Variants in LRP1B observed in about 807,000 individuals in gnomAD.
The protein encoded by LRP1B is low-density lipoprotein receptor-related protein 1B.
LRP1B carries 217 observed loss-of-function variants against 556.6 expected under a neutral mutation model. That is an observed-to-expected ratio of 0.39 (90% CI 0.35 to 0.44). The LOEUF is 0.44. LRP1B is among the 20% of genes least tolerant of loss of function. LRP1B has a pLI of 1.00. For missense variants in LRP1B, 5,053 were observed against 5,620.8 expected (o/e 0.90, Z 3.23); for synonymous variants, 2,047 against 1,865.8 (o/e 1.10, Z -2.50).
At chr2:141,133,262 G>A (rs1005701002) in intron 7 of LRP1B, among the ~76,000 whole-genome samples, 2 of 146,302 alleles carry the variant, frequency 1.4e-5, no homozygotes, top group Non-Finnish European at 3.0e-5. Flanking sequence ...AATGATAGTA[G>A]CAATTATCAT....
At chr2:141,906,660 G>C (rs1429728444) in intron 1 of LRP1B, among the ~76,000 whole-genome samples, 1 of 151,952 alleles carries the variant, frequency 6.6e-6, no homozygotes, top group African/African-American at 2.4e-5. Flanking sequence ...CACATAAACA[G>C]CAAAGCATTA....
chr2:141,477,277 G>A (rs368965611), intron 3 of LRP1B, among the ~76,000 whole-genome samples: 1 of 139,716 alleles, frequency 7.2e-6, no homozygotes. Context: ...AAAAATAACC[G>A]AGTTAGACAG....
intron 1 of LRP1B, among the ~76,000 whole-genome samples, chr2:141,949,742 TTC>T (rs978659551): frequency 1.3e-5 from 2 of 152,162 alleles, no homozygotes; most frequent in Non-Finnish European, 2.9e-5. Flanking sequence ...GAAAATCTAA[TTC>T]TGTCAGGTTT....
chr2:141,085,532 G>C (rs557937310), intron 7 of LRP1B, among the ~76,000 whole-genome samples: 1 of 152,276 alleles, frequency 6.6e-6, no homozygotes, highest in East Asian at 1.9e-4. Context: ...GACATGGCGA[G>C]AAGGTGATCA....
intron 2 of LRP1B, among the ~76,000 whole-genome samples, chr2:141,685,530 T>C (rs1691263464): frequency 6.6e-6 from 1 of 152,060 alleles, no homozygotes; most frequent in Admixed American, 6.6e-5. Flanking sequence ...CCTGTGAATG[T>C]TACCTTAATG....
intron 1 of LRP1B, among the ~76,000 whole-genome samples, chr2:142,079,698 C>T (rs1001011786): frequency 7.2e-5 from 11 of 151,818 alleles, no homozygotes; most frequent in East Asian, 1.9e-4. Flanking sequence ...TTAGAAGAGA[C>T]GTGGTTTCAC....
At chr2:140,779,371 AG>A (rs1689608653) in intron 32 of LRP1B, among the ~76,000 whole-genome samples, 1 of 152,136 alleles carries the variant, frequency 6.6e-6, no homozygotes, top group Admixed American at 6.5e-5. Flanking sequence ...ATTACAATCT[AG>A]GTAGAACTCT....
chr2:140,768,759 G>A (rs952933189), intron 35 of LRP1B, among the ~76,000 whole-genome samples: 1 of 151,776 alleles, frequency 6.6e-6, no homozygotes, highest in African/African-American at 2.4e-5. Flanking sequence ...ATTTTCAGTG[G>A]TGTAGCATGT....
intron 20 of LRP1B, among the ~76,000 whole-genome samples, chr2:140,924,249 A>G (rs963430068): frequency 9.9e-5 from 15 of 151,982 alleles, no homozygotes; most frequent in African/African-American, 3.4e-4. Context: ...AATAACAGTG[A>G]TATCACCAAA....
At chr2:141,808,606 C>T (rs1166725512) in intron 2 of LRP1B, among the ~76,000 whole-genome samples, 1 of 152,064 alleles carries the variant, frequency 6.6e-6, no homozygotes, top group Non-Finnish European at 1.5e-5. Context: ...TGACATAATT[C>T]ACCCATTTAA....
chr2:141,425,946 T>G (rs560905710), intron 3 of LRP1B, among the ~76,000 whole-genome samples: 6 of 150,154 alleles, frequency 4.0e-5, no homozygotes, highest in Admixed American at 1.3e-4. Context: ...TTGTCAATTT[T>G]GGCTTTTGTT....
chr2:140,828,940 T>C (rs1486546053), intron 31 of LRP1B, among the ~76,000 whole-genome samples: 2 of 151,720 alleles, frequency 1.3e-5, no homozygotes, highest in South Asian at 4.2e-4. Context: ...TGGAAGAAGA[T>C]AGCCCATGTA....
rs532937152 is a variant in LRP1B, at chr2:141,242,310, A to T, written c.592+4916T>A. On this transcript the variant is annotated intron_variant, in intron 5 of 90. Coordinates refer to ENST00000389484, the MANE Select transcript of LRP1B (RefSeq NM_018557.3). ...CCTCCCAAAAGAAAATTTTAAACTTATGTTAGTAGATGTTAAATCCCCCTA... is the reference window on the plus strand; with the variant it reads ...CCTCCCAAAAGAAAATTTTAAACTTTTGTTAGTAGATGTTAAATCCCCCTA... 3.3e-5 allele frequency among the ~76,000 whole-genome samples: 5 copies of T among 152,200 alleles called. No homozygotes were observed. In the South Asian group the frequency reaches 1.0e-3, roughly 32 times the overall value.
intron 2 of LRP1B, among the ~76,000 whole-genome samples, chr2:141,802,953 A>G (rs1424608347): frequency 1.3e-5 from 2 of 152,164 alleles, no homozygotes; most frequent in East Asian, 3.9e-4. Context: ...TCGTCTTTTA[A>G]GCCAAGGAGA....
chr2:141,409,434 C>T (rs755520258), intron 3 of LRP1B, among the ~76,000 whole-genome samples: 1 of 152,048 alleles, frequency 6.6e-6, no homozygotes, highest in African/African-American at 2.4e-5. Flanking sequence ...TCAGATGAGG[C>T]AGTGTATATA....
chr2:141,715,652 TA>T (rs1036105406), intron 2 of LRP1B, among the ~76,000 whole-genome samples: 2 of 151,658 alleles, frequency 1.3e-5, no homozygotes, highest in African/African-American at 4.8e-5. Flanking sequence ...CCAACTCTAC[TA>T]AAAATACAAA....
At chr2:141,397,476 GA>G (rs1463694823) in intron 3 of LRP1B, among the ~76,000 whole-genome samples, 2 of 150,952 alleles carry the variant, frequency 1.3e-5, no homozygotes, top group African/African-American at 2.4e-5. Flanking sequence ...AAAAATTCAG[GA>G]AAAAAACACA....
chr2:140,672,703 T>G (rs909654924), intron 41 of LRP1B, among the ~76,000 whole-genome samples: 1 of 151,994 alleles, frequency 6.6e-6, no homozygotes, highest in Admixed American at 6.6e-5. Flanking sequence ...AATTTGGGAG[T>G]CTTACAGTCT....
rs568762113 is a variant in LRP1B at position 141,314,648 on chromosome 2, G to A, written c.344-60007C>T. 1.5e-4 allele frequency among the ~76,000 whole-genome samples: 22 copies of A among 151,216 alleles called. No homozygotes were observed. In the South Asian group the frequency reaches 2.5e-3, roughly 17 times the overall value. On this transcript the variant is annotated intron_variant, in intron 3 of 90. Coordinates refer to ENST00000389484, the MANE Select transcript of LRP1B (RefSeq NM_018557.3). ...CTACTAAAAATAGAAAAAATTAGCC[G>A]GGCGTGGTGGCGGGCACTGGTAGTC... is the stretch of plus-strand genomic sequence containing the variant.
Sources: allele counts gnomAD v4.1 joint callset (sites outside exome capture counted in the v4.1 genomes callset), GRCh38; gene constraint gnomAD v4.1.1; transcripts MANE v1.5; gene names NCBI Gene and HGNC (gene_info 2026-07-23, HGNC 2026-07-21).